The following NR1H3 variants were observed in gnomAD, a reference collection of about 807,000 sequenced individuals.
The protein encoded by NR1H3 is oxysterols receptor LXR-alpha.
A neutral mutation model predicts 48.1 loss-of-function variants in NR1H3; 19 were observed. The observed-to-expected ratio is 0.40, with a 90% confidence interval of 0.28 to 0.58. The LOEUF is 0.58. Ranked by LOEUF, NR1H3 falls within the 20% of genes least tolerant of loss-of-function variation. NR1H3 has a pLI of 0.50. For synonymous variants in NR1H3, 232 were observed against 227.3 expected (o/e 1.02, Z -0.19); for missense variants, 486 against 595.9 (o/e 0.82, Z 1.92).
In NR1H3 at chr11:47,268,263, C is replaced by T. The variant is rs749411165; in HGVS notation, c.1105C>T (p.Arg369Trp). The change falls in exon 9 of 10, where the codon CGG becomes TGG. Residue 369 changes from arginine (R) to tryptophan (W), a missense_variant and splice_region_variant. Physicochemically the swap from Arg to Trp is moderately radical, Grantham distance 101. Transcript: ENST00000441012. Reference protein sequence around the residue: ...LIAISIFSADRPNVQDQLQVE... With the variant: ...LIAISIFSADWPNVQDQLQVE... The stretch of plus-strand genomic sequence containing the variant: ...TCAACTCTCTTGGTGACCTATAGAC[C>T]GGCCCAACGTGCAGGACCAGCTCCA... 4.3e-6 allele frequency: 7 copies of T among 1,613,774 alleles called. No individual in the cohort carries two copies. The highest frequency in any genetic ancestry group is 1.6e-4 in the Middle Eastern group (1 of 6,084).
upstream of NR1H3, chr11:47,248,670 C>T (rs1445675145): frequency 6.2e-7 from 1 of 1,608,528 alleles, no homozygotes. Context: ...GCCCATCTCT[C>T]ATTACCAAGG....
In NR1H3 at chr11:47,261,320, C is replaced by T; in HGVS notation, c.579C>T (p.Pro193=). 1 of 1,614,042 alleles carries T rather than the reference C, an allele frequency of 6.2e-7. No individual in the cohort carries two copies. The highest frequency in any genetic ancestry group is 1.1e-5 in the South Asian group (1 of 91,076). The change falls in exon 5 of 10, where the codon CCC becomes CCT. Residue 193 remains proline (P), a synonymous_variant. Transcript: ENST00000441012. ...AACAGGCTCATGCCACATCCTTGCCCCCCAGGGCTTCCTCACCCCCCCAAA... is the reference window on the plus strand; with the variant it reads ...AACAGGCTCATGCCACATCCTTGCCTCCCAGGGCTTCCTCACCCCCCCAAA... The part of the protein sequence containing the change: ...EEEQAHATSL[P]PRASSPPQIL...
Position 47,259,776 on chromosome 11 carries a change from T to C in NR1H3, c.44-15T>C. 4 of 1,611,856 alleles carry C rather than the reference T, an allele frequency of 2.5e-6. No homozygotes were observed. The highest frequency in any genetic ancestry group is 3.4e-6 in the Non-Finnish European group (4 of 1,179,860). ...GGGGCCTGAGACCCCCTTGTGCCTC[T>C]CTTTTGGAGCTCAGACTCTGCGGTG... is the stretch of plus-strand genomic sequence containing the variant. On this transcript the variant is annotated splice_polypyrimidine_tract_variant and intron_variant, in intron 2 of 9. Coordinates refer to ENST00000441012, the MANE Select transcript of NR1H3 (RefSeq NM_005693.4).
rs150767085 is a variant in NR1H3 at position 47,259,811 on chromosome 11, A to G, written c.64A>G (p.Lys22Glu). The G allele has an allele frequency of 7.5e-5, 121 of 1,612,018 alleles. No homozygotes were observed. Among genetic ancestry groups the G allele is most frequent in the Non-Finnish European group, 9.2e-5 (109 of 1,179,902 alleles). Residue 22 changes from lysine (K) to glutamate (E), a missense_variant, in exon 3 of 10, where the codon AAG becomes GAG. By Grantham distance (56) the Lys-to-Glu change is moderately conservative. Transcript: ENST00000441012. ...IPPDSAVELW[K>E]PGAQDASSQA... ...CTCAGACTCTGCGGTGGAGCTGTGGAAGCCAGGCGCACAGGATGCAAGCAG... is the reference window on the plus strand; with the variant it reads ...CTCAGACTCTGCGGTGGAGCTGTGGGAGCCAGGCGCACAGGATGCAAGCAG...
chr11:47,263,765 G>T (rs1455124443), intron 7 of NR1H3, among the ~76,000 whole-genome samples: 1 of 151,686 alleles, frequency 6.6e-6, no homozygotes, highest in Non-Finnish European at 1.5e-5. Flanking sequence ...ACTACGCTCA[G>T]CTAACTTTTG....
At position 47,259,807 on chromosome 11, in the gene NR1H3, G is replaced by A; in HGVS notation, c.60G>A (p.Leu20=). 2 of 1,612,182 alleles carry A rather than the reference G, an allele frequency of 1.2e-6. No individual in the cohort carries two copies. Among genetic ancestry groups the A allele is most frequent in the South Asian group, 1.1e-5 (1 of 91,000 alleles). The change falls in exon 3 of 10, where the codon CTG becomes CTA. Residue 20 remains leucine, a synonymous_variant. Coordinates refer to ENST00000441012, the MANE Select transcript of NR1H3 (RefSeq NM_005693.4). ...PDIPPDSAVE[L]WKPGAQDASS... ...GGAGCTCAGACTCTGCGGTGGAGCT[G>A]TGGAAGCCAGGCGCACAGGATGCAA...
chr11:47,260,850 C>T (rs547705418), intron 4 of NR1H3, among the ~76,000 whole-genome samples, 175 bp downstream of exon 4: 4 of 152,082 alleles, frequency 2.6e-5, no homozygotes, highest in Non-Finnish European at 4.4e-5. Context: ...TTTGGGAGGC[C>T]GAAGCGGGTG....
chr11:47,258,378 G>A (rs373043372), intron 1 of NR1H3: 16 of 189,454 alleles, frequency 8.4e-5, no homozygotes, highest in African/African-American at 1.2e-4. Flanking sequence ...AAAGTGGCAC[G>A]AGCGAGGTTC....
At chr11:47,255,481 C>T (rs1372993593), upstream of NR1H3, among the ~76,000 whole-genome samples, 8 of 152,290 alleles carry the variant, frequency 5.3e-5, no homozygotes, top group East Asian at 1.3e-3. Flanking sequence ...GATGATAACT[C>T]GTGCCATTTC....
intron 4 of NR1H3, 52 bp downstream of exon 4, chr11:47,260,727 A>G (rs1478145097): frequency 5.2e-6 from 8 of 1,533,940 alleles, no homozygotes; most frequent in Non-Finnish European, 7.0e-6. Context: ...AGAGGGGGCC[A>G]GGGTGTGACC....
chr11:47,264,690 A>G (rs1268281063), intron 7 of NR1H3, among the ~76,000 whole-genome samples: 1 of 152,118 alleles, frequency 6.6e-6, no homozygotes, highest in Admixed American at 6.5e-5. Context: ...GCACCTATTC[A>G]TAGATTTATT....
At chr11:47,263,982 A>G (rs1229523714) in intron 7 of NR1H3, among the ~76,000 whole-genome samples, 1 of 152,206 alleles carries the variant, frequency 6.6e-6, no homozygotes, top group African/African-American at 2.4e-5. Context: ...AGGATGTACA[A>G]TAAGAGCGAA....
In NR1H3 at chr11:47,264,982, C is replaced by A. The variant is rs551130866; in HGVS notation, c.989-2931C>A. Among the ~76,000 whole-genome samples the A allele has an allele frequency of 3.0e-4, 46 of 152,258 alleles. 1 individual carries two copies. Among genetic ancestry groups the A allele is most frequent in the Admixed American group, 2.4e-3 (37 of 15,286 alleles). ...CCACACTTTGGGGCTCAAAACCTCA[C>A]CAAGAAATGCTTTAGAAAATGGGGC... On this transcript the variant is annotated intron_variant, in intron 7 of 9. Coordinates refer to ENST00000441012, the MANE Select transcript of NR1H3 (RefSeq NM_005693.4).
At chr11:47,260,294 G>A in intron 3 of NR1H3, 115 bp from the exon 4 acceptor site, 1 of 1,367,078 alleles carries the variant, frequency 7.3e-7, no homozygotes. Context: ...AGAGAGACTG[G>A]AGTTTGTATA....
intron 7 of NR1H3, among the ~76,000 whole-genome samples, chr11:47,266,720 C>T (rs1174114865): frequency 1.3e-5 from 2 of 151,378 alleles, no homozygotes; most frequent in Non-Finnish European, 2.9e-5. Flanking sequence ...CGGCTTACTG[C>T]AACCTCCGCC....
intron 7 of NR1H3, among the ~76,000 whole-genome samples, chr11:47,263,399 G>C (rs1192230021): frequency 6.6e-6 from 1 of 151,692 alleles, no homozygotes; most frequent in East Asian, 1.9e-4. Flanking sequence ...AAGTAGGTGG[G>C]ACTACAGGCA....
upstream of NR1H3, among the ~76,000 whole-genome samples, chr11:47,256,654 T>TAAA (rs59002769): frequency 2.1e-4 from 19 of 92,142 alleles, no homozygotes; most frequent in South Asian, 3.3e-3. Context: ...CCAAAAAAGG[T>TAAA]AAAAAAAAAA....
At position 47,252,246 on chromosome 11, in the gene NR1H3, T is replaced by TG. The variant is rs373254163; in HGVS notation, c.-93+3247_-93+3248insG. Among the ~76,000 whole-genome samples the TG allele has an allele frequency of 4.0e-5, 6 of 151,686 alleles. No individual in the cohort carries two copies. In the South Asian group the frequency reaches 1.0e-3, roughly 26 times the overall value. ...TCTGAAGAGGCAGTTTTTGTTTTGT[T>TG]TTGTTGTTGTTGTTGTTGTTGTTGT... On this transcript the variant is annotated intron_variant, in intron 1 of 8. Transcript: ENST00000395397.
upstream of NR1H3, chr11:47,248,623 G>A: frequency 1.9e-6 from 3 of 1,570,206 alleles, no homozygotes; most frequent in Non-Finnish European, 2.6e-6. Context: ...CCACCAGCTG[G>A]CCTTTGCCCT....
Sources: allele counts gnomAD v4.1 joint callset (sites outside exome capture counted in the v4.1 genomes callset), GRCh38; gene constraint gnomAD v4.1.1; transcripts MANE v1.5; gene names NCBI Gene and HGNC (gene_info 2026-07-23, HGNC 2026-07-21).